GON4L: variants seen among roughly 807,000 people sequenced by gnomAD.
GON4L encodes gon-4 like.
In GON4L, 87 loss-of-function variants were observed where a neutral mutation model predicts 211.8. The ratio of observed to expected loss-of-function variants is 0.41; its 90% CI spans 0.35 to 0.49. The LOEUF is 0.49. GON4L is among the 20% of genes least tolerant of loss of function. The pLI, the probability that GON4L is intolerant of heterozygous loss-of-function variation, is 0.15. For missense variants in GON4L, 2,155 were observed against 2,659.5 expected (o/e 0.81, Z 4.17); for synonymous variants, 875 against 962.6 (o/e 0.91, Z 1.68).
intron 16 of GON4L, 99 bp downstream of exon 16, chr1:155,776,296 A>G (rs1410246120): frequency 1.1e-6 from 1 of 909,224 alleles, no homozygotes; most frequent in African/African-American, 1.6e-5. Context: ...ACCCGAGAGA[A>G]GAATAAATAT....
intron 12 of GON4L, among the ~76,000 whole-genome samples, chr1:155,785,818 C>T (rs543870004): frequency 3.3e-5 from 5 of 152,172 alleles, no homozygotes; most frequent in Admixed American, 1.3e-4. Context: ...TTATTGAGGC[C>T]GGGAGCGGTG....
intron 28 of GON4L, 42 bp downstream of exon 28, chr1:155,754,333 C>G (rs1199510380): frequency 8.6e-7 from 1 of 1,166,426 alleles, no homozygotes; most frequent in Admixed American, 1.7e-5. Flanking sequence ...AACAATCCCC[C>G]AGCAGCTCTG....
chr1:155,776,879 T>C lies in GON4L; in HGVS notation c.2092-398A>G, dbSNP rs143614032. ...CCCAGAGAGACAATAACCAAGATGT[T>C]TGCAACTTTATCACATATATTTTGC... On this transcript the variant is annotated intron_variant, in intron 15 of 31. Coordinates refer to ENST00000368331, the MANE Select transcript of GON4L (RefSeq NM_001282860.2). Among the ~76,000 whole-genome samples the C allele has an allele frequency of 3.8e-3, 575 of 152,262 alleles. 2 individuals carry two copies. Among genetic ancestry groups the C allele is most frequent in the Non-Finnish European group, 6.2e-3 (421 of 68,016 alleles).
At chr1:155,802,227 T>C (rs1186799480) in intron 11 of GON4L, among the ~76,000 whole-genome samples, 1 of 146,658 alleles carries the variant, frequency 6.8e-6, no homozygotes, top group Non-Finnish European at 1.5e-5. Flanking sequence ...GAAAATGAAG[T>C]GCCAATAAAT....
At chr1:155,812,728 G>A (rs1667905965) in intron 10 of GON4L, among the ~76,000 whole-genome samples, 1 of 151,912 alleles carries the variant, frequency 6.6e-6, no homozygotes, top group African/African-American at 2.4e-5. Context: ...GCAAATTTTT[G>A]TATTTTCAGT....
At chr1:155,854,752 G>A (rs1322856250) in intron 1 of GON4L, among the ~76,000 whole-genome samples, 1 of 152,108 alleles carries the variant, frequency 6.6e-6, no homozygotes, top group Non-Finnish European at 1.5e-5. Flanking sequence ...AGGCTATGTT[G>A]GCTGGGCACG....
rs753134717 is a variant in GON4L at position 155,766,723 on chromosome 1, G to C, written c.2764-14C>G. 1.2e-6 allele frequency: 2 copies of C among 1,613,886 alleles called. No individual in the cohort carries two copies. Among genetic ancestry groups the C allele is most frequent in the South Asian group, 2.2e-5 (2 of 91,042 alleles). The stretch of plus-strand genomic sequence containing the variant: ...TGGCAGACTGGCCTATTGGAAACAA[G>C]AACACTCTGATCCAGCATATGTCAG... On this transcript the variant is annotated splice_polypyrimidine_tract_variant and intron_variant, in intron 20 of 31. Transcript: ENST00000368331.
intron 12 of GON4L, among the ~76,000 whole-genome samples, chr1:155,787,079 G>T (rs1299340118): frequency 8.7e-6 from 1 of 114,610 alleles, no homozygotes; most frequent in Non-Finnish European, 1.9e-5. Flanking sequence ...CTGCCACCGT[G>T]CCTGGCTAAT....
chr1:155,762,894 G>T (rs1333408569), intron 22 of GON4L, among the ~76,000 whole-genome samples: 1 of 152,050 alleles, frequency 6.6e-6, no homozygotes, highest in Non-Finnish European at 1.5e-5. Context: ...AAATTAGCTG[G>T]GTGTGGGGGC....
rs952059148 is a variant in GON4L at position 155,814,486 on chromosome 1, C to A, written c.1162-37G>T. On this transcript the variant is annotated intron_variant, in intron 8 of 31. Coordinates refer to ENST00000368331, the MANE Select transcript of GON4L (RefSeq NM_001282860.2). ...ATCCAGTTCGCCTTAATATTTATGC[C>A]CCTACCTCATTCCACAAAGTCTGAA... The A allele has an allele frequency of 2.5e-6, 4 of 1,605,194 alleles. 1 individual carries two copies. The highest frequency in any genetic ancestry group is 1.3e-5 in the African/African-American group (1 of 74,718).
chr1:155,747,755 C>G, downstream of GON4L: 1 of 1,613,854 alleles, frequency 6.2e-7, no homozygotes, highest in Non-Finnish European at 8.5e-7. Context: ...CACTCACCCC[C>G]GCCCAGGGCT....
At chr1:155,745,693 T>C, downstream of GON4L, 1 of 765,410 alleles carries the variant, frequency 1.3e-6, no homozygotes, top group Non-Finnish European at 2.1e-6. Context: ...GGCGCATCAT[T>C]TCTCCAATGG....
chr1:155,841,647 G>A (rs933040235), intron 2 of GON4L, among the ~76,000 whole-genome samples: 12 of 152,252 alleles, frequency 7.9e-5, no homozygotes, highest in South Asian at 4.1e-4. Context: ...GGCCATCAGC[G>A]TCCCACCAAG....
At chr1:155,788,426 A>C (rs1665176225) in intron 12 of GON4L, among the ~76,000 whole-genome samples, 1 of 152,234 alleles carries the variant, frequency 6.6e-6, no homozygotes, top group African/African-American at 2.4e-5. Context: ...CCTGTGACCC[A>C]GTGATTTGTC....
intron 6 of GON4L, among the ~76,000 whole-genome samples, chr1:155,816,495 C>G (rs1374386168): frequency 6.6e-6 from 1 of 152,128 alleles, no homozygotes; most frequent in East Asian, 1.9e-4. Context: ...CCTGGTAAGC[C>G]TCACTTCTTT....
rs1491238969 is a variant in GON4L at position 155,836,248 on chromosome 1, CGT to C, written c.506-9222_506-9221del. Among the ~76,000 whole-genome samples the C allele has an allele frequency of 1.5e-3, 131 of 84,840 alleles. 1 individual carries two copies. The highest frequency in any genetic ancestry group is 5.6e-3 in the African/African-American group (118 of 21,008). The allele number at this position is 84,840 out of a possible 152,430, so 55.7% of individuals were successfully genotyped here. ...TCCCCCTCAATGTGTGTTTTGTTTT[CGT>C]TTTTTTTTTTTTTTTTTGAGACGAC... On this transcript the variant is annotated intron_variant, in intron 2 of 31. Transcript: ENST00000368331.
chr1:155,837,660 A>AC (rs1306544566), intron 2 of GON4L, among the ~76,000 whole-genome samples: 4 of 151,562 alleles, frequency 2.6e-5, no homozygotes, highest in Non-Finnish European at 5.9e-5. Flanking sequence ...AGGGAAAGGT[A>AC]CCCCTCATCC....
intron 17 of GON4L, 133 bp from the exon 18 acceptor site, chr1:155,773,343 T>C: frequency 1.0e-6 from 1 of 972,338 alleles, no homozygotes; most frequent in Non-Finnish European, 1.5e-6. Flanking sequence ...CTGCCCACCA[T>C]CCCCCCAAAA....
In GON4L at chr1:155,799,263, C is replaced by T. The variant is rs150363973; in HGVS notation, c.1646-4112G>A. ...CAGCCTGACCAATATGGTGAAACCC[C>T]GTCTCTACTAAAAATACAAAATTAG... On this transcript the variant is annotated intron_variant, in intron 11 of 31. Transcript: ENST00000368331. Among the ~76,000 whole-genome samples the T allele has an allele frequency of 5.1e-3, 778 of 152,194 alleles. 2 individuals are homozygous for T. Among genetic ancestry groups the T allele is most frequent in the Non-Finnish European group, 8.6e-3 (587 of 68,002 alleles).
Sources: gnomAD v4.1 joint callset for allele counts (sites outside exome capture counted in the v4.1 genomes callset) on GRCh38, gnomAD v4.1.1 for gene constraint, MANE v1.5 for transcripts, NCBI Gene and HGNC (gene_info 2026-07-23, HGNC 2026-07-21) for gene names.